DOT1L: variants seen among roughly 807,000 people sequenced by gnomAD.
DOT1L encodes DOT1 like histone lysine methyltransferase, also known as histone-lysine N-methyltransferase, H3 lysine-79 specific.
In DOT1L, 33 loss-of-function variants were observed where a neutral mutation model predicts 153.3. The observed-to-expected ratio is 0.22, with a 90% CI of 0.16 to 0.29. The LOEUF is 0.29. DOT1L is among the 10% of genes least tolerant of loss of function. DOT1L has a pLI of 1.00. For synonymous variants in DOT1L, 1,135 were observed against 965.1 expected, an observed-to-expected ratio of 1.18 and a Z score of -3.26; for missense variants, 1,847 against 2,119.9, an observed-to-expected ratio of 0.87 and a Z score of 2.53.
chr19:2,227,367 C>A, intron 27 of DOT1L: 2 of 721,156 alleles, frequency 2.8e-6, no homozygotes, highest in Non-Finnish European at 5.1e-6. Context: ...TTTCAGAAGG[C>A]CACCGTGCGC....
chr19:2,199,693 C>G (rs2023165143), intron 7 of DOT1L, among the ~76,000 whole-genome samples, 191 bp from the exon 8 acceptor site: 1 of 152,228 alleles, frequency 6.6e-6, no homozygotes, highest in Admixed American at 6.5e-5. Context: ...CCTGCCCGTT[C>G]TCTGCGCATC....
rs774871066 is a variant in DOT1L at position 2,208,902 on chromosome 19, C to T, written c.964-33C>T. 9 of 1,606,458 alleles carry T rather than the reference C, an allele frequency of 5.6e-6. No homozygotes were observed. The highest frequency in any genetic ancestry group is 3.4e-5 in the Admixed American group (2 of 58,456). ...CAAATCCGAACAGAGATTGGGACTC[C>T]CTTCTAATCAGGGTTCTCTTTCTTC... On this transcript the variant is annotated intron_variant, in intron 11 of 27. Coordinates refer to ENST00000398665, the MANE Select transcript of DOT1L (RefSeq NM_032482.3). This position sits in a 1 kb window ranked among gnomAD's most constrained non-coding sequence, Gnocchi z 4.4.
At position 2,197,439 on chromosome 19, in the gene DOT1L, G is replaced by A. The variant is rs527776821; in HGVS notation, c.652-2445G>A. Among the ~76,000 whole-genome samples the A allele has an allele frequency of 1.9e-4, 29 of 152,320 alleles. No individual in the cohort carries two copies. Among genetic ancestry groups the A allele is most frequent in the African/African-American group, 6.7e-4 (28 of 41,590 alleles). On this transcript the variant is annotated intron_variant, in intron 7 of 27. Coordinates refer to ENST00000398665, the MANE Select transcript of DOT1L (RefSeq NM_032482.3). This position sits in a 1 kb window ranked among gnomAD's most constrained non-coding sequence, Gnocchi z 4.1. ...AGGGCGCCATGGTGCCTTCCTCCGC[G>A]CGGTCTGGCTGGGCTGAGCCTTGCT...
In DOT1L at chr19:2,179,198, C is replaced by T. The variant is rs149303930; in HGVS notation, c.82-1515C>T. On this transcript the variant is annotated intron_variant, in intron 1 of 27. Transcript: ENST00000398665. ...CTGAGGTTCTGCATCCTGGCAGGAG[C>T]CCCACAGATGGGGTTGCGTCCCGCT... Among the ~76,000 whole-genome samples, 64 of 152,324 alleles carry T rather than the reference C, an allele frequency of 4.2e-4. 1 individual carries two copies. In the East Asian group the frequency reaches 0.011, roughly 27 times the overall value.
chr19:2,208,848 A>G lies in DOT1L; in HGVS notation c.964-87A>G. The G allele has an allele frequency of 7.3e-7, 1 of 1,376,136 alleles. No individual in the cohort carries two copies. The highest frequency in any genetic ancestry group is 1.9e-5 in the Admixed American group (1 of 53,008). The allele number at this position is 1,376,136 out of a possible 1,614,324, so 85.2% of individuals were successfully genotyped here. ...AGAACAGCCTCCCCAGCCACTGTCC[A>G]GGTTGCTGTTGTTACCTGGGTGTCC... On this transcript the variant is annotated intron_variant, in intron 11 of 27. Transcript: ENST00000398665. This position sits in a 1 kb window ranked among gnomAD's most constrained non-coding sequence, Gnocchi z 4.4.
At position 2,216,983 on chromosome 19, in the gene DOT1L, C is replaced by T. The variant is rs1599604627; in HGVS notation, c.2437C>T (p.Pro813Ser). The T allele has an allele frequency of 6.2e-7, 1 of 1,612,998 alleles. No individual in the cohort carries two copies. Among genetic ancestry groups the T allele is most frequent in the East Asian group, 2.2e-5 (1 of 44,876 alleles). The change falls in exon 21 of 28, where the codon CCC becomes TCC. Residue 813 changes from proline to serine, a missense_variant. By Grantham distance (74) the Pro-to-Ser change is moderately conservative (BLOSUM62 -1). Coordinates refer to ENST00000398665, the MANE Select transcript of DOT1L (RefSeq NM_032482.3). ...TGAGCACACCAAGGAGAACGGCCTTCCCTACCAGAGCCCCAGCGTGCCTGG... is the reference window on the plus strand; with the variant it reads ...TGAGCACACCAAGGAGAACGGCCTTTCCTACCAGAGCCCCAGCGTGCCTGG... The part of the protein sequence containing the change: ...RAEHTKENGL[P>S]YQSPSVPGSM...
rs749061261 is a variant in DOT1L, at chr19:2,220,137, C to T, written c.2721C>T (p.Pro907=). The change falls in exon 23 of 28, where the codon CCC becomes CCT. Residue 907 remains proline (P), a synonymous_variant. Coordinates refer to ENST00000398665, the MANE Select transcript of DOT1L (RefSeq NM_032482.3). This position sits in a 1 kb window ranked among gnomAD's most constrained non-coding sequence, Gnocchi z 4.5. ...ARSTPSPVLQ[P]RDPSSTLEKQ... ...GCACCCCCAGTCCCGTGCTGCAGCC[C>T]CGTGACCCCTCGTCCACACTTGAAA... 16 of 1,612,652 alleles carry T rather than the reference C, an allele frequency of 9.9e-6. No homozygotes were observed. The highest frequency in any genetic ancestry group is 1.3e-5 in the African/African-American group (1 of 74,868).
chr19:2,199,305 A>C (rs902871607), intron 7 of DOT1L, among the ~76,000 whole-genome samples: 1 of 152,208 alleles, frequency 6.6e-6, no homozygotes, highest in Admixed American at 6.5e-5. Context: ...AGACGCCCCC[A>C]GGGACTGGCG....
chr19:2,167,654 T>G (rs1030542679), intron 1 of DOT1L, among the ~76,000 whole-genome samples: 3 of 152,134 alleles, frequency 2.0e-5, no homozygotes, highest in African/African-American at 7.2e-5. Flanking sequence ...CGCCGTGACA[T>G]TTGTCATTTT....
intron 27 of DOT1L, chr19:2,228,090 C>G: frequency 1.5e-6 from 2 of 1,344,874 alleles, no homozygotes; most frequent in South Asian, 1.2e-5. Flanking sequence ...CCCGCCTAAC[C>G]AAGCTTTCTT....
At chr19:2,194,321 C>T (rs1000211839) in intron 6 of DOT1L, among the ~76,000 whole-genome samples, 194 bp from the exon 7 acceptor site, 1 of 152,148 alleles carries the variant, frequency 6.6e-6, no homozygotes, top group Admixed American at 6.5e-5. Context: ...CAGGCGCCCC[C>T]CAACACACCC....
intron 7 of DOT1L, among the ~76,000 whole-genome samples, chr19:2,198,384 C>T (rs2023105556): frequency 6.6e-6 from 1 of 152,338 alleles, no homozygotes; most frequent in East Asian, 1.9e-4. Flanking sequence ...CTGGGGGCTT[C>T]CCGCGGCCTT....
Position 2,193,172 on chromosome 19 carries a change from G to A in DOT1L, c.494-517G>A, listed in dbSNP as rs1235380811. Among the ~76,000 whole-genome samples, 6 of 152,198 alleles carry A rather than the reference G, an allele frequency of 3.9e-5. No individual in the cohort carries two copies. Among genetic ancestry groups the A allele is most frequent in the Non-Finnish European group, 7.3e-5 (5 of 68,046 alleles). On this transcript the variant is annotated intron_variant, in intron 5 of 27. Coordinates refer to ENST00000398665, the MANE Select transcript of DOT1L (RefSeq NM_032482.3). This position sits in a 1 kb window ranked among gnomAD's most constrained non-coding sequence, Gnocchi z 5.9. ...GGTTGTGTGCTGATGCTGTGAAACC[G>A]CAGCGGCCGGGAGACTGTCCTGGCT...
At chr19:2,188,882 C>G (rs1486361261) in intron 3 of DOT1L, among the ~76,000 whole-genome samples, 1 of 152,206 alleles carries the variant, frequency 6.6e-6, no homozygotes, top group Non-Finnish European at 1.5e-5. Context: ...CCAGGCCTGG[C>G]TGGGCCGCGT....
In DOT1L at chr19:2,222,466, G is replaced by A. The variant is rs375065175; in HGVS notation, c.3297G>A (p.Leu1099=). ...RKRASAGTPS[L]SAGVSPKRRA... The stretch of plus-strand genomic sequence containing the variant: ...GAGCATCTGCGGGGACGCCCAGCTT[G>A]AGCGCAGGCGTGTCCCCCAAGCGCC... The change falls in exon 24 of 28, where the codon TTG becomes TTA. Residue 1099 remains leucine, a synonymous_variant. Coordinates refer to ENST00000398665, the MANE Select transcript of DOT1L (RefSeq NM_032482.3). This position sits in a 1 kb window ranked among gnomAD's most constrained non-coding sequence, Gnocchi z 6.5. The A allele has an allele frequency of 1.2e-6, 2 of 1,604,888 alleles. No individual in the cohort carries two copies. Among genetic ancestry groups the A allele is most frequent in the African/African-American group, 2.7e-5 (2 of 74,850 alleles).
chr19:2,202,948 G>C (rs1445316552), intron 9 of DOT1L, among the ~76,000 whole-genome samples, 169 bp downstream of exon 9: 2 of 152,104 alleles, frequency 1.3e-5, no homozygotes, highest in African/African-American at 4.8e-5. Flanking sequence ...TATTGAGACA[G>C]TTTTCCTCTG....
chr19:2,210,079 G>A (rs564993224), intron 12 of DOT1L, among the ~76,000 whole-genome samples: 1 of 152,352 alleles, frequency 6.6e-6, no homozygotes, highest in Admixed American at 6.5e-5. Context: ...TGCTGCCTGA[G>A]GGGCTTCTCG....
At chr19:2,210,567 C>A (rs913857561) in intron 13 of DOT1L, 54 bp from the exon 14 acceptor site, 2 of 1,595,818 alleles carry the variant, frequency 1.3e-6, no homozygotes, top group Non-Finnish European at 1.7e-6. Flanking sequence ...GCCCGGGAGA[C>A]CCCATGGGTG....
At position 2,193,501 on chromosome 19, in the gene DOT1L, T is replaced by G. The variant is rs999612732; in HGVS notation, c.494-188T>G. 1.3e-5 allele frequency among the ~76,000 whole-genome samples: 2 copies of G among 152,132 alleles called. No homozygotes were observed. Among genetic ancestry groups the G allele is most frequent in the Non-Finnish European group, 2.9e-5 (2 of 68,010 alleles). On this transcript the variant is annotated intron_variant, in intron 5 of 27. Coordinates refer to ENST00000398665, the MANE Select transcript of DOT1L (RefSeq NM_032482.3). This position sits in a 1 kb window ranked among gnomAD's most constrained non-coding sequence, Gnocchi z 5.9. ...GTGATGACCGTCCCCTCGTGGGGGC[T>G]CTGTCAGGGGCCTGGTCTCTGGGAA...
Sources: allele counts gnomAD v4.1 joint callset (sites outside exome capture counted in the v4.1 genomes callset), GRCh38; gene constraint gnomAD v4.1.1; non-coding constraint Gnocchi (gnomAD v3.1); transcripts MANE v1.5; gene names NCBI Gene and HGNC (gene_info 2026-07-23, HGNC 2026-07-21).